KIRREL3: variants seen among roughly 807,000 people sequenced by gnomAD.
KIRREL3 encodes the protein kirre like nephrin family adhesion molecule 3, also known as kin of IRRE-like protein 3.
A neutral mutation model predicts 89.7 loss-of-function variants in KIRREL3; 36 were observed. The ratio of observed to expected loss-of-function variants is 0.40; its 90% CI spans 0.31 to 0.53. KIRREL3 has a LOEUF of 0.53. Ranked by LOEUF, KIRREL3 falls within the 20% of genes least tolerant of loss-of-function variation. The pLI is 0.49. For missense variants in KIRREL3, 864 were observed against 1,056.6 expected (o/e 0.82, Z 2.53); for synonymous variants, 445 against 441.4 (o/e 1.01, Z -0.10).
intron 1 of KIRREL3, among the ~76,000 whole-genome samples, chr11:126,888,097 G>T (rs1033376735): frequency 6.6e-6 from 1 of 152,224 alleles, no homozygotes; most frequent in Non-Finnish European, 1.5e-5. Flanking sequence ...TACTGTGTGA[G>T]AGTACTTTGG....
In KIRREL3 at chr11:126,443,805, G is replaced by A. The variant is rs577587152; in HGVS notation, c.1252+1174C>T. ...CCTGCTCTGGGGCCAGGACCCAGAT[G>A]TCCTGCAAATGTTGGTGGTTCAGTT... On this transcript the variant is annotated intron_variant, in intron 10 of 16. Coordinates refer to ENST00000525144, the MANE Select transcript of KIRREL3 (RefSeq NM_032531.4). This position sits in a 1 kb window ranked among gnomAD's most constrained non-coding sequence, Gnocchi z 7.3. 4.6e-5 allele frequency among the ~76,000 whole-genome samples: 7 copies of A among 152,228 alleles called. No homozygotes were observed. The highest frequency in any genetic ancestry group is 9.6e-5 in the African/African-American group (4 of 41,548).
chr11:126,874,278 A>G (rs1239936377), intron 1 of KIRREL3, among the ~76,000 whole-genome samples: 1 of 152,214 alleles, frequency 6.6e-6, no homozygotes, highest in African/African-American at 2.4e-5. Context: ...TTCCCTTGAG[A>G]CATGGCAGAA....
rs542138790 is a variant in KIRREL3, at chr11:126,993,491, G to A, written c.55+6964C>T. On this transcript the variant is annotated intron_variant, in intron 1 of 16. Coordinates refer to ENST00000525144, the MANE Select transcript of KIRREL3 (RefSeq NM_032531.4). This position sits in a 1 kb window ranked among gnomAD's most constrained non-coding sequence, Gnocchi z 6.1. ...TATCAAGCATGATGTCATCTCCTCT[G>A]TGCAACCTTTTCTGATGCCTTTGCT... 1.3e-5 allele frequency among the ~76,000 whole-genome samples: 2 copies of A among 152,224 alleles called. No individual in the cohort carries two copies. The highest frequency in any genetic ancestry group is 2.9e-5 in the Non-Finnish European group (2 of 68,050).
At position 126,475,316 on chromosome 11, in the gene KIRREL3, G is replaced by A. The variant is rs1263588678; in HGVS notation, c.434-1850C>T. On this transcript the variant is annotated intron_variant, in intron 4 of 16. Transcript: ENST00000525144. The surrounding 1 kb of genome is among the most constrained non-coding windows in gnomAD (Gnocchi z 7.5). ...GGGAACTTCCCTCCCCTTCTCAGGG[G>A]ATCGCCCCGTCAGCCCTTCTCCTAG... Among the ~76,000 whole-genome samples, 1 of 152,132 alleles carries A rather than the reference G, an allele frequency of 6.6e-6. No individual in the cohort carries two copies. The highest frequency in any genetic ancestry group is 2.4e-5 in the African/African-American group (1 of 41,432).
intron 1 of KIRREL3, among the ~76,000 whole-genome samples, chr11:126,856,594 T>C (rs1944521840): frequency 9.2e-6 from 1 of 109,244 alleles, no homozygotes; most frequent in African/African-American, 3.0e-5. Context: ...TATATATATA[T>C]ATGTATATAT....
At chr11:126,855,271 T>C (rs889993923) in intron 1 of KIRREL3, among the ~76,000 whole-genome samples, 33 of 152,248 alleles carry the variant, frequency 2.2e-4, no homozygotes, top group African/African-American at 7.2e-4. Flanking sequence ...GCCCTTGCGT[T>C]CTTGCGATAG....
intron 1 of KIRREL3, among the ~76,000 whole-genome samples, chr11:126,863,602 T>C (rs1944813817): frequency 3.9e-5 from 3 of 77,598 alleles, no homozygotes; most frequent in South Asian, 1.3e-3. Context: ...TGAGTGCGTG[T>C]GTGTTTGCGT....
chr11:126,716,634 A>T (rs1947971693), intron 1 of KIRREL3, among the ~76,000 whole-genome samples: 1 of 152,096 alleles, frequency 6.6e-6, no homozygotes, highest in Admixed American at 6.5e-5. Flanking sequence ...TGGGCCTCCA[A>T]ACACCAGGGG....
At position 126,508,439 on chromosome 11, in the gene KIRREL3, C is replaced by G. The variant is rs1209170138; in HGVS notation, c.433+12876G>C. On this transcript the variant is annotated intron_variant, in intron 4 of 16. Transcript: ENST00000525144. This position sits in a 1 kb window ranked among gnomAD's most constrained non-coding sequence, Gnocchi z 4.9. Reference sequence around the variant, plus strand: ...ATGAATGCTGCGGGTCTCGGGGCTCCCCAGGTCCATCTGAGGAGGAGGGGC... The same window carrying G: ...ATGAATGCTGCGGGTCTCGGGGCTCGCCAGGTCCATCTGAGGAGGAGGGGC... Among the ~76,000 whole-genome samples the G allele has an allele frequency of 3.9e-5, 6 of 152,216 alleles. No homozygotes were observed. In the East Asian group the frequency reaches 1.2e-3, roughly 29 times the overall value.
chr11:126,808,036 C>A lies in KIRREL3; in HGVS notation c.55+192419G>T, dbSNP rs533591153. Among the ~76,000 whole-genome samples the A allele has an allele frequency of 7.9e-5, 12 of 152,262 alleles. No homozygotes were observed. In the South Asian group the frequency reaches 2.5e-3, roughly 32 times the overall value. On this transcript the variant is annotated intron_variant, in intron 1 of 16. Coordinates refer to ENST00000525144, the MANE Select transcript of KIRREL3 (RefSeq NM_032531.4). This position sits in a 1 kb window ranked among gnomAD's most constrained non-coding sequence, Gnocchi z 4.1. The stretch of plus-strand genomic sequence containing the variant: ...GGATAAATGGGGAAAGAATGAATGT[C>A]TGAACTAGTGTGGATTAGGAGGAAG...
At chr11:126,735,689 C>T (rs1286664430) in intron 1 of KIRREL3, among the ~76,000 whole-genome samples, 1 of 152,208 alleles carries the variant, frequency 6.6e-6, no homozygotes, top group Non-Finnish European at 1.5e-5. Flanking sequence ...ATATTATTTC[C>T]TTGTCTCTTT....
chr11:126,853,544 A>T (rs527967031), intron 1 of KIRREL3, among the ~76,000 whole-genome samples: 1 of 152,256 alleles, frequency 6.6e-6, no homozygotes, highest in South Asian at 2.1e-4. Context: ...TGTCAATTTT[A>T]CTTATTACTG....
At position 126,681,658 on chromosome 11, in the gene KIRREL3, TG is replaced by T. The variant is rs200003396; in HGVS notation, c.56-118747del. 2.6e-3 allele frequency: 870 copies of T among 331,486 alleles called. 6 individuals are homozygous for T. The highest frequency in any genetic ancestry group is 0.018 in the African/African-American group (817 of 46,166). 20.5% of individuals were successfully genotyped at this position (331,486 alleles called of 1,614,324 possible). On this transcript the variant is annotated intron_variant, in intron 1 of 16. Transcript: ENST00000525144. ...CAAGCACACACTGGAGATCAGTGCT[TG>T]AGATTTGCAAATTGTTGTCACTGGA... is the stretch of plus-strand genomic sequence containing the variant.
chr11:126,988,634 T>C (rs927263136), intron 1 of KIRREL3: 3 of 152,630 alleles, frequency 2.0e-5, no homozygotes, highest in African/African-American at 7.2e-5. Context: ...GGGTGTTTGA[T>C]TGGCAGGTCT....
chr11:126,497,316 AAGAC>A (rs1365022785), intron 4 of KIRREL3, among the ~76,000 whole-genome samples: 3 of 151,828 alleles, frequency 2.0e-5, no homozygotes, highest in East Asian at 1.9e-4. Flanking sequence ...GAGAGAGAGT[AAGAC>A]AGAGAGAGAG....
chr11:126,524,214 T>C (rs988053421), intron 3 of KIRREL3, among the ~76,000 whole-genome samples: 4 of 152,216 alleles, frequency 2.6e-5, no homozygotes, highest in Non-Finnish European at 5.9e-5. Flanking sequence ...ATGGGGACAA[T>C]ACCAGTACCT....
In KIRREL3 at chr11:126,916,354, A is replaced by G. The variant is rs565567921; in HGVS notation, c.55+84101T>C. 1.1e-4 allele frequency among the ~76,000 whole-genome samples: 17 copies of G among 152,314 alleles called. No homozygotes were observed. In the South Asian group the frequency reaches 3.5e-3, roughly 32 times the overall value. On this transcript the variant is annotated intron_variant, in intron 1 of 16. Coordinates refer to ENST00000525144, the MANE Select transcript of KIRREL3 (RefSeq NM_032531.4). ...ATTAAAACACAAATTGCTGAGCCCC[A>G]TCCTCAAAGTGTCACTTCTGTAGGC... is the stretch of plus-strand genomic sequence containing the variant.
intron 1 of KIRREL3, among the ~76,000 whole-genome samples, chr11:126,711,047 T>C (rs926303933): frequency 6.6e-6 from 1 of 152,132 alleles, no homozygotes; most frequent in African/African-American, 2.4e-5. Context: ...GAAAAATCTG[T>C]GGTCTACACA....
rs1462133619 is a variant in KIRREL3, at chr11:126,709,323, A to C, written c.56-146411T>G. Among the ~76,000 whole-genome samples, 2 of 152,158 alleles carry C rather than the reference A, an allele frequency of 1.3e-5. No individual in the cohort carries two copies. Among genetic ancestry groups the C allele is most frequent in the East Asian group, 3.9e-4 (2 of 5,188 alleles). ...CAAGATGACCTTTGGGGTTCCAATC[A>C]GTCCTATCTCTTCCCCGGGAGTAGG... On this transcript the variant is annotated intron_variant, in intron 1 of 16. Coordinates refer to ENST00000525144, the MANE Select transcript of KIRREL3 (RefSeq NM_032531.4). This position sits in a 1 kb window ranked among gnomAD's most constrained non-coding sequence, Gnocchi z 4.0.
Sources: gnomAD v4.1 joint callset for allele counts (sites outside exome capture counted in the v4.1 genomes callset) on GRCh38, gnomAD v4.1.1 for gene constraint, Gnocchi (gnomAD v3.1) non-coding constraint, MANE v1.5 for transcripts, NCBI Gene and HGNC (gene_info 2026-07-23, HGNC 2026-07-21) for gene names.